LPP: variants seen among roughly 807,000 people sequenced by gnomAD.
The protein encoded by LPP is LIM domain containing preferred translocation partner in lipoma.
In LPP, 38 loss-of-function variants were observed where a neutral mutation model predicts 60.4. The observed-to-expected ratio is 0.63, with a 90% CI of 0.49 to 0.83. LPP has a LOEUF of 0.83. Among genes scored for constraint, LPP ranks in the 40% least tolerant of loss-of-function variants. LPP has a pLI of 0.00. For missense variants in LPP, 902 were observed against 783.6 expected, an observed-to-expected ratio of 1.15 and a Z score of -1.80; for synonymous variants, 328 against 290.8, an observed-to-expected ratio of 1.13 and a Z score of -1.30.
intron 9 of LPP, among the ~76,000 whole-genome samples, chr3:188,849,356 A>C (rs1762229527): frequency 6.6e-6 from 1 of 151,066 alleles, no homozygotes; most frequent in Admixed American, 6.6e-5. Context: ...AAGAGAATGG[A>C]AACAATTTTC....
rs190643999 is a variant in LPP at position 188,721,634 on chromosome 3, T to C, written c.1240+13241T>C. On this transcript the variant is annotated intron_variant, in intron 8 of 11. Transcript: ENST00000617246. ...GAAATATTGAGAAATGTGGATATCA[T>C]TCAACAAGAAGAAAAATTGATAGGA... Among the ~76,000 whole-genome samples, 307 of 152,304 alleles carry C rather than the reference T, an allele frequency of 2.0e-3. 6 individuals carry two copies. Among genetic ancestry groups the C allele is most frequent in the Admixed American group, 0.019 (295 of 15,294 alleles).
intron 5 of LPP, among the ~76,000 whole-genome samples, chr3:188,492,216 T>C (rs918180121): frequency 6.6e-6 from 1 of 152,202 alleles, no homozygotes; most frequent in Admixed American, 6.5e-5. Context: ...GCTTGCATAT[T>C]TCAGAACATT....
intron 3 of LPP, among the ~76,000 whole-genome samples, chr3:188,373,662 G>C (rs923021962): frequency 2.0e-5 from 3 of 152,010 alleles, no homozygotes; most frequent in Non-Finnish European, 4.4e-5. Context: ...TAGGTTGCCT[G>C]TTCACTCTGA....
At chr3:188,421,946 A>G (rs1038203888) in intron 4 of LPP, among the ~76,000 whole-genome samples, 3 of 152,104 alleles carry the variant, frequency 2.0e-5, no homozygotes, top group African/African-American at 7.2e-5. Context: ...TCTTATTGTG[A>G]TAATTGTTTG....
chr3:188,554,095 A>G (rs908497306), intron 6 of LPP: 18 of 152,202 alleles, frequency 1.2e-4, no homozygotes, highest in Non-Finnish European at 2.4e-4. Flanking sequence ...ATCAGAAATA[A>G]ATACATTTGA....
intron 3 of LPP, among the ~76,000 whole-genome samples, chr3:188,393,315 C>T (rs1250297950): frequency 6.6e-6 from 1 of 152,106 alleles, no homozygotes; most frequent in East Asian, 1.9e-4. Context: ...TTAGTACCTT[C>T]TTTCCTTCTT....
At chr3:188,199,385 C>T (rs779957079) in intron 1 of LPP, among the ~76,000 whole-genome samples, 5 of 151,984 alleles carry the variant, frequency 3.3e-5, no homozygotes, top group East Asian at 3.9e-4. Flanking sequence ...GCATGTGGGA[C>T]GGAAAATTTG....
chr3:188,524,916 CTT>C, intron 6 of LPP, 129 bp downstream of exon 6: 1 of 616,470 alleles, frequency 1.6e-6, no homozygotes. Context: ...TCCTTCCTTC[CTT>C]CCTTCCTTCC....
chr3:188,366,046 T>C (rs1432157765), intron 3 of LPP, among the ~76,000 whole-genome samples: 1 of 152,204 alleles, frequency 6.6e-6, no homozygotes, highest in East Asian at 1.9e-4. Context: ...CAAGATCTCC[T>C]CATTCCCCTG....
At chr3:188,541,027 T>A (rs1247300246) in intron 6 of LPP, among the ~76,000 whole-genome samples, 1 of 152,204 alleles carries the variant, frequency 6.6e-6, no homozygotes, top group Non-Finnish European at 1.5e-5. Flanking sequence ...TTTCTGTGGT[T>A]AACAAGATAA....
intron 7 of LPP, among the ~76,000 whole-genome samples, chr3:188,707,495 C>G (rs1865719927): frequency 6.6e-6 from 1 of 152,228 alleles, no homozygotes; most frequent in African/African-American, 2.4e-5. Flanking sequence ...CCACCCATTT[C>G]AACACCAACC....
chr3:188,250,808 C>CTTTT (rs749622593), intron 2 of LPP, among the ~76,000 whole-genome samples: 1 of 132,002 alleles, frequency 7.6e-6, no homozygotes, highest in Non-Finnish European at 1.6e-5. Flanking sequence ...TTCTTTCTTT[C>CTTTT]TCTTTCTTTC....
chr3:188,550,347 G>T (rs1243930080), intron 6 of LPP, among the ~76,000 whole-genome samples: 1 of 152,078 alleles, frequency 6.6e-6, no homozygotes, highest in Non-Finnish European at 1.5e-5. Flanking sequence ...GGGAGGCCGA[G>T]GCGGGTGGAT....
At chr3:188,776,213 C>T (rs1246033446) in intron 9 of LPP, among the ~76,000 whole-genome samples, 3 of 152,148 alleles carry the variant, frequency 2.0e-5, no homozygotes, top group Non-Finnish European at 4.4e-5. Context: ...AAAGGCCATG[C>T]CCCATCCTAC....
intron 3 of LPP, among the ~76,000 whole-genome samples, chr3:188,362,079 TG>T (rs1037049645): frequency 6.6e-6 from 1 of 152,100 alleles, no homozygotes; most frequent in African/African-American, 2.4e-5. Flanking sequence ...TAGTAGGCTG[TG>T]GGCCCGAAGG....
intron 4 of LPP, among the ~76,000 whole-genome samples, chr3:188,469,151 CA>C (rs1017218652): frequency 6.6e-6 from 1 of 152,084 alleles, no homozygotes; most frequent in Non-Finnish European, 1.5e-5. Context: ...TATTCTAATT[CA>C]AAAACCGTTA....
At chr3:188,412,860 T>C (rs991228161) in intron 4 of LPP, among the ~76,000 whole-genome samples, 7 of 152,090 alleles carry the variant, frequency 4.6e-5, no homozygotes, top group Non-Finnish European at 8.8e-5. Flanking sequence ...TCTGCTACTG[T>C]GAGGTTACGA....
rs1482396956 is a variant in LPP at position 188,484,579 on chromosome 3, T to C, written c.194-13T>C. The stretch of plus-strand genomic sequence containing the variant: ...TCCTTATTAACTTCATGTTGTTTAC[T>C]TCTTTTCTGTAGGTGATTTTCTTCC... On this transcript the variant is annotated splice_polypyrimidine_tract_variant and intron_variant, in intron 4 of 11. Transcript: ENST00000617246. 2 of 1,571,000 alleles carry C rather than the reference T, an allele frequency of 1.3e-6. No homozygotes were observed. Among genetic ancestry groups the C allele is most frequent in the Non-Finnish European group, 1.8e-6 (2 of 1,141,460 alleles).
intron 4 of LPP, among the ~76,000 whole-genome samples, chr3:188,480,547 A>C (rs539121592): frequency 4.3e-4 from 65 of 152,348 alleles, no homozygotes; most frequent in Non-Finnish European, 7.5e-4. Flanking sequence ...ACCAGGTCTG[A>C]AGGCACGTGT....
Sources: gnomAD v4.1 joint callset for allele counts (sites outside exome capture counted in the v4.1 genomes callset) on GRCh38, gnomAD v4.1.1 for gene constraint, MANE v1.5 for transcripts, NCBI Gene and HGNC (gene_info 2026-07-23, HGNC 2026-07-21) for gene names.